ZBTB16: variants seen among roughly 807,000 people sequenced by gnomAD.
The protein encoded by ZBTB16 is zinc finger and BTB domain containing 16, also known as zinc finger and BTB domain-containing protein 16.
ZBTB16 carries 8 observed loss-of-function variants against 56.8 expected under a neutral mutation model. The ratio of observed to expected loss-of-function variants is 0.14; its 90% CI spans 0.08 to 0.25. ZBTB16 has a LOEUF of 0.25. Ranked by LOEUF, ZBTB16 falls within the 10% of genes least tolerant of loss-of-function variation. The pLI is 1.00. For missense variants in ZBTB16, 625 were observed against 903.0 expected (o/e 0.69, Z 3.95); for synonymous variants, 363 against 368.5 (o/e 0.98, Z 0.17).
Position 114,143,902 on chromosome 11 carries a change from G to A in ZBTB16, c.1269-12435G>A, listed in dbSNP as rs1297959841. Among the ~76,000 whole-genome samples the A allele has an allele frequency of 6.6e-6, 1 of 152,096 alleles. No individual in the cohort carries two copies. The highest frequency in any genetic ancestry group is 6.5e-5 in the Admixed American group (1 of 15,270). On this transcript the variant is annotated intron_variant, in intron 2 of 6. Coordinates refer to ENST00000335953, the MANE Select transcript of ZBTB16 (RefSeq NM_006006.6). The surrounding 1 kb of genome is among the most constrained non-coding windows in gnomAD (Gnocchi z 6.4). The stretch of plus-strand genomic sequence containing the variant: ...GGATGTTTCCAGAGAGCCGCTGCTT[G>A]GCCTCTGTGCTCGTTGGGCCTCGAG...
rs527452092 is a variant in ZBTB16, at chr11:114,237,994, GGA to G, written c.1454-4166_1454-4165del. On this transcript the variant is annotated intron_variant, in intron 4 of 6. Transcript: ENST00000335953. ...CACCTTGTGGAATGTCCCAGGAAGG[GGA>G]GAGAGACCACTGTAGGGACATCATA... Among the ~76,000 whole-genome samples the G allele has an allele frequency of 2.4e-4, 36 of 152,322 alleles. No individual in the cohort carries two copies. In the South Asian group the frequency reaches 5.6e-3, roughly 24 times the overall value.
intron 4 of ZBTB16, among the ~76,000 whole-genome samples, chr11:114,205,632 A>G (rs935998125): frequency 1.3e-5 from 2 of 152,186 alleles, no homozygotes; most frequent in African/African-American, 4.8e-5. Context: ...CGGATTTTCT[A>G]TTACTGTTTC....
rs1274359098 is a variant in ZBTB16 at position 114,253,506 on chromosome 11, G to T, written c.*2951G>T. On this transcript the variant is annotated 3_prime_UTR_variant, in exon 7 of 7. Coordinates refer to ENST00000335953, the MANE Select transcript of ZBTB16 (RefSeq NM_006006.6). Reference sequence around the variant, plus strand: ...TGTGTGTGGTTGTGTGTTAAATCATGCAGTATTGTCGTAATCTGGTGTTGC... The same window carrying T: ...TGTGTGTGGTTGTGTGTTAAATCATTCAGTATTGTCGTAATCTGGTGTTGC... 1.3e-5 allele frequency among the ~76,000 whole-genome samples: 2 copies of T among 152,226 alleles called. No homozygotes were observed. Among genetic ancestry groups the T allele is most frequent in the African/African-American group, 4.8e-5 (2 of 41,462 alleles).
chr11:114,092,492 A>G (rs1407779354), intron 2 of ZBTB16, among the ~76,000 whole-genome samples: 2 of 152,072 alleles, frequency 1.3e-5, no homozygotes, highest in African/African-American at 4.8e-5. Context: ...CCTCACATCC[A>G]TTGTGGTTGA....
Position 114,250,679 on chromosome 11 carries a change from T to G in ZBTB16, c.*124T>G. ...AAAAAAACAGAAGGAAAAGGAAACC[T>G]GGTAGCTTTTTGGCCTTGGATTCTC... On this transcript the variant is annotated 3_prime_UTR_variant, in exon 7 of 7. Transcript: ENST00000335953. This position sits in a 1 kb window ranked among gnomAD's most constrained non-coding sequence, Gnocchi z 6.0. The G allele has an allele frequency of 8.8e-7, 1 of 1,136,498 alleles. No individual in the cohort carries two copies. The highest frequency in any genetic ancestry group is 1.2e-6 in the Non-Finnish European group (1 of 802,672). 70.4% of individuals were successfully genotyped at this position (1,136,498 alleles called of 1,614,324 possible). A position where few individuals can be genotyped will look rare whatever the true frequency, so the allele number is the denominator to read the frequency against.
chr11:114,242,763 C>G (rs1191301519), intron 5 of ZBTB16, among the ~76,000 whole-genome samples: 1 of 152,188 alleles, frequency 6.6e-6, no homozygotes, highest in Non-Finnish European at 1.5e-5. Flanking sequence ...TCTTGATGCC[C>G]CGCCGCTCTA....
At chr11:114,150,282 G>A (rs930895526) in intron 2 of ZBTB16, among the ~76,000 whole-genome samples, 3 of 152,174 alleles carry the variant, frequency 2.0e-5, no homozygotes, top group Non-Finnish European at 4.4e-5. Context: ...GGTAGAGGCC[G>A]CTAGTAGAAC....
intron 3 of ZBTB16, among the ~76,000 whole-genome samples, chr11:114,158,337 C>T (rs1015164948): frequency 2.0e-5 from 3 of 152,130 alleles, no homozygotes; most frequent in African/African-American, 7.2e-5. Flanking sequence ...TGTAGCCAGA[C>T]TCATTTTCTT....
chr11:114,228,627 G>A (rs1044272293), intron 4 of ZBTB16, among the ~76,000 whole-genome samples: 2 of 152,224 alleles, frequency 1.3e-5, no homozygotes, highest in Non-Finnish European at 2.9e-5. Context: ...GGGGCTGGGA[G>A]CGTGTTGATA....
intron 6 of ZBTB16, among the ~76,000 whole-genome samples, chr11:114,248,367 T>C (rs565172520): frequency 6.6e-6 from 1 of 152,350 alleles, no homozygotes; most frequent in East Asian, 1.9e-4. Context: ...TCAAGTTCAG[T>C]GACACCACCT....
chr11:114,100,325 T>C (rs1204049580), intron 2 of ZBTB16, among the ~76,000 whole-genome samples: 1 of 152,146 alleles, frequency 6.6e-6, no homozygotes, highest in Non-Finnish European at 1.5e-5. Context: ...ACTTGGTGAT[T>C]TTGGCGGCAC....
At chr11:114,127,058 G>A (rs1348897994) in intron 2 of ZBTB16, among the ~76,000 whole-genome samples, 1 of 152,098 alleles carries the variant, frequency 6.6e-6, no homozygotes, top group Non-Finnish European at 1.5e-5. Context: ...TGGACCCCAG[G>A]GTTAGCACTC....
chr11:114,194,925 G>A (rs868428117), intron 4 of ZBTB16, among the ~76,000 whole-genome samples: 1 of 152,194 alleles, frequency 6.6e-6, no homozygotes, highest in Admixed American at 6.5e-5. Flanking sequence ...TTGTGCCAGA[G>A]GTTTTAATGA....
In ZBTB16 at chr11:114,250,614, A is replaced by T; in HGVS notation, c.*59A>T. On this transcript the variant is annotated 3_prime_UTR_variant, in exon 7 of 7. Transcript: ENST00000335953. This position sits in a 1 kb window ranked among gnomAD's most constrained non-coding sequence, Gnocchi z 6.0. ...GCCAGGAAAGAAGAGTTGGAGTGAG[A>T]TGAAGGAAGGACTATGACAAATAAA... The T allele has an allele frequency of 6.6e-7, 1 of 1,513,684 alleles. No homozygotes were observed. The highest frequency in any genetic ancestry group is 9.2e-7 in the Non-Finnish European group (1 of 1,089,820). 93.8% of individuals were successfully genotyped at this position (1,513,684 alleles called of 1,614,324 possible).
At chr11:114,196,926 G>A (rs966688498) in intron 4 of ZBTB16, among the ~76,000 whole-genome samples, 1 of 152,132 alleles carries the variant, frequency 6.6e-6, no homozygotes, top group African/African-American at 2.4e-5. Flanking sequence ...ATCTGGGGCA[G>A]GACTTGAATG....
At chr11:114,228,841 T>C (rs1944381899) in intron 4 of ZBTB16, among the ~76,000 whole-genome samples, 1 of 152,234 alleles carries the variant, frequency 6.6e-6, no homozygotes, top group South Asian at 2.1e-4. Flanking sequence ...AAGGGAGCCA[T>C]ATGGTCCTTT....
chr11:114,183,187 G>A (rs1943289509), intron 3 of ZBTB16, among the ~76,000 whole-genome samples: 2 of 152,196 alleles, frequency 1.3e-5, no homozygotes, highest in Non-Finnish European at 2.9e-5. Flanking sequence ...TGACGTTTGT[G>A]TTATCCACGT....
chr11:114,230,641 GC>G (rs200886950), intron 4 of ZBTB16, among the ~76,000 whole-genome samples: 4 of 118,002 alleles, frequency 3.4e-5, no homozygotes, highest in African/African-American at 3.5e-5. Flanking sequence ...TGGGGGGGGG[GC>G]GGGAAGGAGA....
intron 2 of ZBTB16, among the ~76,000 whole-genome samples, chr11:114,148,606 G>A (rs1312425317): frequency 6.6e-6 from 1 of 151,242 alleles, no homozygotes; most frequent in African/African-American, 2.4e-5. Context: ...CGATTCTCCT[G>A]CCTCAGCCTC....
Sources: gnomAD v4.1 joint callset for allele counts (sites outside exome capture counted in the v4.1 genomes callset) on GRCh38, gnomAD v4.1.1 for gene constraint, Gnocchi (gnomAD v3.1) non-coding constraint, MANE v1.5 for transcripts, NCBI Gene and HGNC (gene_info 2026-07-23, HGNC 2026-07-21) for gene names.